Variants in DOCK1 observed in about 807,000 individuals in gnomAD.
DOCK1 encodes dedicator of cytokinesis 1, also known as dedicator of cytokinesis protein 1.
Under a neutral mutation model 262.7 loss-of-function variants are expected in DOCK1, and 138 were observed. The observed-to-expected ratio is 0.53, with a 90% confidence interval of 0.46 to 0.61. DOCK1 has a LOEUF of 0.61. DOCK1 is among the 20% of genes least tolerant of loss of function. The pLI, the probability that DOCK1 is intolerant of heterozygous loss-of-function variation, is 0.00. For synonymous variants in DOCK1, 866 were observed against 867.4 expected (o/e 1.00, Z 0.03); for missense variants, 1,908 against 2,370.7 (o/e 0.80, Z 4.05).
chr10:127,452,321 CA>C lies in DOCK1; in HGVS notation c.*895del, dbSNP rs2071015266. Reference sequence around the variant, plus strand: ...AAGTGTTAAAACACACACACACACACACACACATTTTTTTTTTGAGAACTCC... The same window carrying C: ...AAGTGTTAAAACACACACACACACACCACACATTTTTTTTTTGAGAACTCC... On this transcript the variant is annotated 3_prime_UTR_variant, in exon 52 of 52. Coordinates refer to ENST00000623213, the MANE Select transcript of DOCK1 (RefSeq NM_001290223.2). 1 of 151,660 alleles carries C rather than the reference CA, an allele frequency of 6.6e-6. No homozygotes were observed. Among genetic ancestry groups the C allele is most frequent in the Non-Finnish European group, 1.5e-5 (1 of 67,850 alleles). The allele number at this position is 151,660 out of a possible 1,614,324, so 9.4% of individuals were successfully genotyped here.
At chr10:127,003,250 G>A (rs2040733209) in intron 10 of DOCK1, among the ~76,000 whole-genome samples, 1 of 150,814 alleles carries the variant, frequency 6.6e-6, no homozygotes, top group African/African-American at 2.4e-5. Flanking sequence ...GTGAACCCAC[G>A]TGAACCTTTT....
At chr10:126,916,792 C>G (rs1467338990) in intron 1 of DOCK1, among the ~76,000 whole-genome samples, 3 of 151,802 alleles carry the variant, frequency 2.0e-5, no homozygotes, top group African/African-American at 7.2e-5. Context: ...ACATTGGTAT[C>G]TGGAGCTGCC....
At chr10:127,376,561 A>G (rs959099742) in intron 35 of DOCK1, among the ~76,000 whole-genome samples, 1 of 152,224 alleles carries the variant, frequency 6.6e-6, no homozygotes, top group East Asian at 1.9e-4. Context: ...CATTCTGACC[A>G]ACGTTCAAAG....
At chr10:127,026,550 A>C (rs532913807) in intron 16 of DOCK1, 126 bp downstream of exon 16, 3 of 840,550 alleles carry the variant, frequency 3.6e-6, no homozygotes, top group African/African-American at 3.5e-5. Context: ...TTCCCACCGG[A>C]ACCTATTCCT....
chr10:127,337,323 G>A (rs1425475363), intron 29 of DOCK1, among the ~76,000 whole-genome samples: 1 of 152,074 alleles, frequency 6.6e-6, no homozygotes. Flanking sequence ...TGTACTTCTG[G>A]GGGCTGAAGG....
chr10:127,249,396 CATATATACATAT>C lies in DOCK1; in HGVS notation c.2949+1298_2949+1309del, dbSNP rs1488628728. Among the ~76,000 whole-genome samples, 61 of 7,684 alleles carry C rather than the reference CATATATACATAT, an allele frequency of 7.9e-3. No homozygotes were observed. The East Asian group carries it at 0.26, about 33-fold the overall frequency. 5.0% of individuals were successfully genotyped at this position (7,684 alleles called of 152,430 possible). On this transcript the variant is annotated intron_variant, in intron 28 of 51. Coordinates refer to ENST00000623213, the MANE Select transcript of DOCK1 (RefSeq NM_001290223.2). The stretch of plus-strand genomic sequence containing the variant: ...ATACACATATGTACATATATACACA[CATATATACATAT>C]ATATATACATGTACATATATATATA...
chr10:127,306,954 G>A (rs1173099308), intron 29 of DOCK1, among the ~76,000 whole-genome samples: 2 of 152,132 alleles, frequency 1.3e-5, no homozygotes, highest in Non-Finnish European at 2.9e-5. Flanking sequence ...ATTGAAAGAT[G>A]CAATACTCTG....
intron 29 of DOCK1, among the ~76,000 whole-genome samples, chr10:127,300,091 A>G (rs2135423798): frequency 6.6e-6 from 1 of 152,210 alleles, no homozygotes; most frequent in East Asian, 1.9e-4. Context: ...GAAGGTGACC[A>G]GTGGACTCCA....
intron 31 of DOCK1, among the ~76,000 whole-genome samples, chr10:127,345,803 C>T (rs557733478): frequency 1.0e-3 from 153 of 152,228 alleles, no homozygotes; most frequent in African/African-American, 3.6e-3. Context: ...GGCGCAGGCT[C>T]CTGCTTTGTG....
At chr10:127,073,531 A>C (rs898513031) in intron 23 of DOCK1, among the ~76,000 whole-genome samples, 2 of 152,232 alleles carry the variant, frequency 1.3e-5, no homozygotes, top group African/African-American at 4.8e-5. Flanking sequence ...TTTAGAAGGT[A>C]TCCTCCTCTT....
In DOCK1 at chr10:127,242,125, T is replaced by C. The variant is rs573100403; in HGVS notation, c.2848-5883T>C. On this transcript the variant is annotated intron_variant, in intron 27 of 51. Transcript: ENST00000623213. Reference sequence around the variant, plus strand: ...GCTTCCAGAATTCTCTTGTCTTTAGTTGCATCTCCTCAGAGTCCCCTGGTC... The same window carrying C: ...GCTTCCAGAATTCTCTTGTCTTTAGCTGCATCTCCTCAGAGTCCCCTGGTC... Among the ~76,000 whole-genome samples the C allele has an allele frequency of 8.5e-5, 13 of 152,314 alleles. 1 individual carries two copies. Among genetic ancestry groups the C allele is most frequent in the Middle Eastern group, 3.4e-3 (1 of 294 alleles).
At chr10:126,925,889 TG>T (rs1470311154) in intron 1 of DOCK1, among the ~76,000 whole-genome samples, 1 of 147,096 alleles carries the variant, frequency 6.8e-6, no homozygotes, top group Non-Finnish European at 1.5e-5. Flanking sequence ...GTGTGTTGGG[TG>T]GGGTTGGAGT....
chr10:127,306,119 A>G (rs1414344373), intron 29 of DOCK1, among the ~76,000 whole-genome samples: 1 of 151,592 alleles, frequency 6.6e-6, no homozygotes, highest in African/African-American at 2.4e-5. Context: ...GGTTCAAGCA[A>G]TTCTTTTGCC....
intron 29 of DOCK1, among the ~76,000 whole-genome samples, chr10:127,333,658 G>T (rs550216795): frequency 6.6e-6 from 1 of 152,144 alleles, no homozygotes; most frequent in Non-Finnish European, 1.5e-5. Context: ...CAAGGCTGGC[G>T]GGACCTCCTC....
intron 10 of DOCK1, among the ~76,000 whole-genome samples, chr10:127,002,900 G>T (rs942896863): frequency 2.0e-5 from 3 of 152,298 alleles, no homozygotes; most frequent in Admixed American, 2.0e-4. Context: ...AACCCACCTG[G>T]GGCCAAGTTC....
chr10:127,070,823 CAGCTGATGCTA>C (rs1393075146), intron 23 of DOCK1, among the ~76,000 whole-genome samples: 1 of 151,804 alleles, frequency 6.6e-6, no homozygotes, highest in Non-Finnish European at 1.5e-5. Flanking sequence ...AATCAACTCC[CAGCTGATGCTA>C]AGGTTGTGGG....
intron 27 of DOCK1, among the ~76,000 whole-genome samples, chr10:127,142,374 CAGGTGGTGCTGCTGCCCTCCTGCTGG>C (rs1259276448): frequency 3.9e-5 from 6 of 152,178 alleles, no homozygotes; most frequent in Non-Finnish European, 5.9e-5. Context: ...CAGGAGGCTG[CAGGTGGTGCTGCTGCCCTCCTGCTGG>C]AGGGATCTGG....
chr10:127,314,948 A>G (rs2720982), intron 29 of DOCK1, among the ~76,000 whole-genome samples: 3,246 of 152,276 alleles, frequency 0.021, 113 homozygotes, highest in African/African-American at 0.073. Context: ...AGATATCTAG[A>G]AACAACCATG....
chr10:127,174,270 A>G (rs2054857694), intron 27 of DOCK1, among the ~76,000 whole-genome samples: 1 of 152,184 alleles, frequency 6.6e-6, no homozygotes, highest in South Asian at 2.1e-4. Flanking sequence ...TCCAGTACAC[A>G]GGCTAGCAGG....
Sources: gnomAD v4.1 joint callset for allele counts (sites outside exome capture counted in the v4.1 genomes callset) on GRCh38, gnomAD v4.1.1 for gene constraint, MANE v1.5 for transcripts, NCBI Gene and HGNC (gene_info 2026-07-23, HGNC 2026-07-21) for gene names.